Variants in IL5RA observed in about 807,000 individuals in gnomAD.
IL5RA encodes the protein interleukin 5 receptor subunit alpha, also known as interleukin-5 receptor subunit alpha.
A neutral mutation model predicts 50.0 loss-of-function variants in IL5RA; 49 were observed. The ratio of observed to expected loss-of-function variants is 0.98; its 90% CI spans 0.78 to 1.24. The LOEUF is 1.24. IL5RA is among the 50% of genes most tolerant of loss of function. The pLI, the probability that IL5RA is intolerant of heterozygous loss-of-function variation, is 0.00. For missense variants in IL5RA, 600 were observed against 500.4 expected, an observed-to-expected ratio of 1.20 and a Z score of -1.90; for synonymous variants, 202 against 174.0, an observed-to-expected ratio of 1.16 and a Z score of -1.26.
intron 9 of IL5RA, among the ~76,000 whole-genome samples, chr3:3,091,601 A>G (rs911566689): frequency 1.3e-5 from 2 of 152,120 alleles, no homozygotes; most frequent in Admixed American, 6.5e-5. Context: ...GCGTGGTGGC[A>G]TGTGCCTGCA....
intron 9 of IL5RA, among the ~76,000 whole-genome samples, chr3:3,083,504 T>C (rs903794371): frequency 3.3e-5 from 5 of 152,192 alleles, no homozygotes; most frequent in African/African-American, 1.2e-4. Context: ...CAGTACTGCT[T>C]GTCTGCAATA....
intron 2 of IL5RA, among the ~76,000 whole-genome samples, chr3:3,106,604 T>C (rs964565759): frequency 2.6e-5 from 4 of 152,172 alleles, no homozygotes; most frequent in Non-Finnish European, 5.9e-5. Flanking sequence ...AGGTACTCTA[T>C]AATTTTTTTA....
rs1174661197 is a variant in IL5RA, at chr3:3,068,511, G to C, written c.*1714C>G. On this transcript the variant is annotated 3_prime_UTR_variant, in exon 12 of 12. Transcript: ENST00000446632. ...GATGGCTTGAGCCCAGGACAGGGAG[G>C]TTGTAGTGAGCTAAGATCACATCAC... 6.8e-6 allele frequency: 1 copy of C among 146,626 alleles called. No individual in the cohort carries two copies. The allele number at this position is 146,626 out of a possible 1,614,324, so 9.1% of individuals were successfully genotyped here.
At position 3,092,978 on chromosome 3, in the gene IL5RA, T is replaced by C. The variant is rs936629364; in HGVS notation, c.856-616A>G. Among the ~76,000 whole-genome samples the C allele has an allele frequency of 2.6e-5, 4 of 152,100 alleles. No homozygotes were observed. Among genetic ancestry groups the C allele is most frequent in the Admixed American group, 2.6e-4 (4 of 15,248 alleles). On this transcript the variant is annotated intron_variant, in intron 8 of 11. Coordinates refer to ENST00000446632, the MANE Select transcript of IL5RA (RefSeq NM_175726.4). This position sits in a 1 kb window ranked among gnomAD's most constrained non-coding sequence, Gnocchi z 4.2. ...CCTTTGCAGTAGCCGCTAACTGATA[T>C]CATATGTCCATGTCGCCCCTCCCCA...
chr3:3,085,234 T>C (rs1271686596), intron 9 of IL5RA, among the ~76,000 whole-genome samples: 1 of 152,198 alleles, frequency 6.6e-6, no homozygotes, highest in Non-Finnish European at 1.5e-5. Flanking sequence ...CCTAAGTGGG[T>C]CTTTCATGTT....
Position 3,104,934 on chromosome 3 carries a change from T to A in IL5RA, c.51A>T (p.Ile17=). ...CATCAGGAAGTAAGTCAGCTTGCAGTATCTCAGTGGCCCCCAAAAGGATGA... is the reference window on the plus strand; with the variant it reads ...CATCAGGAAGTAAGTCAGCTTGCAGAATCTCAGTGGCCCCCAAAAGGATGA... ...VLLILLGATE[I]LQADLLPDEK... Residue 17 remains isoleucine, a synonymous_variant, in exon 3 of 12, where the codon ATA becomes ATT. Coordinates refer to ENST00000446632, the MANE Select transcript of IL5RA (RefSeq NM_175726.4). 6.2e-7 allele frequency: 1 copy of A among 1,612,976 alleles called. No individual in the cohort carries two copies. Among genetic ancestry groups the A allele is most frequent in the Non-Finnish European group, 8.5e-7 (1 of 1,178,996 alleles).
At chr3:3,081,325 T>A (rs1702658461) in intron 9 of IL5RA, among the ~76,000 whole-genome samples, 1 of 152,224 alleles carries the variant, frequency 6.6e-6, no homozygotes, top group South Asian at 2.1e-4. Flanking sequence ...GAATTCAGCC[T>A]GCTTCATGGC....
intron 10 of IL5RA, among the ~76,000 whole-genome samples, chr3:3,075,367 T>A (rs908147343): frequency 6.6e-5 from 10 of 151,852 alleles, no homozygotes; most frequent in Admixed American, 2.0e-4. Context: ...TGCGCTCAGC[T>A]AATTTTTGTA....
rs1296831721 is a variant in IL5RA, at chr3:3,066,863, T to A, written c.*3362A>T. On this transcript the variant is annotated 3_prime_UTR_variant, in exon 12 of 12. Coordinates refer to ENST00000446632, the MANE Select transcript of IL5RA (RefSeq NM_175726.4). ...CAGCACTCCCCCATGCTGCACGCAG[T>A]GAATTCCAAATGCCAAGGAAAGAAA... 1 of 152,246 alleles carries A rather than the reference T, an allele frequency of 6.6e-6. No homozygotes were observed. Among genetic ancestry groups the A allele is most frequent in the Non-Finnish European group, 1.5e-5 (1 of 68,084 alleles). The allele number at this position is 152,246 out of a possible 1,614,324, so 9.4% of individuals were successfully genotyped here. A position where few individuals can be genotyped will look rare whatever the true frequency, so the allele number is the denominator to read the frequency against.
At chr3:3,072,237 G>A (rs141661887) in intron 11 of IL5RA, among the ~76,000 whole-genome samples, 1 of 152,344 alleles carries the variant, frequency 6.6e-6, no homozygotes, top group Non-Finnish European at 1.5e-5. Context: ...TTAGGCCATA[G>A]AGCCCACAGC....
At position 3,067,689 on chromosome 3, in the gene IL5RA, C is replaced by T. The variant is rs1311001090; in HGVS notation, c.*2536G>A. ...CAGGGCAAGAAGGGAGGAAGGAGTT[C>T]CCAATCCACCAAGGAGGCCAATGGG... On this transcript the variant is annotated 3_prime_UTR_variant, in exon 12 of 12. Coordinates refer to ENST00000446632, the MANE Select transcript of IL5RA (RefSeq NM_175726.4). The T allele has an allele frequency of 6.6e-6, 1 of 152,252 alleles. No homozygotes were observed. The highest frequency in any genetic ancestry group is 6.6e-5 in the Admixed American group (1 of 15,264). 9.4% of individuals were successfully genotyped at this position (152,252 alleles called of 1,614,324 possible). A position where few individuals can be genotyped will look rare whatever the true frequency, so the allele number is the denominator to read the frequency against.
intron 9 of IL5RA, among the ~76,000 whole-genome samples, chr3:3,084,688 T>G (rs1702789498): frequency 6.6e-6 from 1 of 152,152 alleles, no homozygotes; most frequent in African/African-American, 2.4e-5. Flanking sequence ...ATGGAACATC[T>G]CGAAAAGAAC....
At position 3,092,191 on chromosome 3, in the gene IL5RA, G is replaced by C; in HGVS notation, c.994+33C>G. 1.9e-6 allele frequency: 3 copies of C among 1,602,862 alleles called. No homozygotes were observed. The highest frequency in any genetic ancestry group is 1.7e-4 in the Middle Eastern group (1 of 6,002). On this transcript the variant is annotated intron_variant, in intron 9 of 11. Transcript: ENST00000446632. This position sits in a 1 kb window ranked among gnomAD's most constrained non-coding sequence, Gnocchi z 4.2. Reference sequence around the variant, plus strand: ...ATTACCTTTTTTGATCACAAGGAAGGCTGCCAATGTAAAATAAACATAAGC... The same window carrying C: ...ATTACCTTTTTTGATCACAAGGAAGCCTGCCAATGTAAAATAAACATAAGC...
chr3:3,087,795 T>G (rs1702932271), intron 9 of IL5RA, among the ~76,000 whole-genome samples: 1 of 152,180 alleles, frequency 6.6e-6, no homozygotes, highest in African/African-American at 2.4e-5. Flanking sequence ...CCTGATGGAC[T>G]CCTAGCTGAG....
At chr3:3,073,245 C>A (rs1015482476) in intron 11 of IL5RA, among the ~76,000 whole-genome samples, 1 of 152,158 alleles carries the variant, frequency 6.6e-6, no homozygotes, top group South Asian at 2.1e-4. Context: ...AGTTTTTCCA[C>A]GAACGCTTTC....
chr3:3,069,195 G>A lies in IL5RA; in HGVS notation c.*1030C>T, dbSNP rs576869309. On this transcript the variant is annotated 3_prime_UTR_variant, in exon 12 of 12. Transcript: ENST00000446632. ...CTCTGCCCAGGGCACACCTGTGCTT[G>A]GTTCCACCTGCAGTCCACCACCCAC... The A allele has an allele frequency of 2.6e-5, 4 of 152,308 alleles. No individual in the cohort carries two copies. Among genetic ancestry groups the A allele is most frequent in the African/African-American group, 9.6e-5 (4 of 41,546 alleles). 9.4% of individuals were successfully genotyped at this position (152,308 alleles called of 1,614,324 possible).
chr3:3,090,090 T>A, intron 9 of IL5RA: 1 of 1,012,954 alleles, frequency 9.9e-7, no homozygotes, highest in Admixed American at 2.5e-5. Context: ...ACCTAAACTT[T>A]CCAAACAAGT....
Position 3,070,304 on chromosome 3 carries a change from C to G in IL5RA, c.1184G>C (p.Gly395Ala). Residue 395 changes from glycine (G) to alanine (A), a missense_variant, in exon 12 of 12, where the codon GGG becomes GCG. Transcript: ENST00000446632. Reference protein sequence around the residue: ...LFVTTNYEKAGSSETEIEVIC... With the variant: ...LFVTTNYEKAASSETEIEVIC... ...GACTTCAATTTCCGTCTCACTGGAC[C>G]CAGCTTTCTGCAAAACAAATCATCT... 6.2e-7 allele frequency: 1 copy of G among 1,610,138 alleles called. No individual in the cohort carries two copies. The highest frequency in any genetic ancestry group is 8.5e-7 in the Non-Finnish European group (1 of 1,177,248).
intron 5 of IL5RA, among the ~76,000 whole-genome samples, chr3:3,099,468 A>C (rs1298978083): frequency 1.3e-5 from 2 of 152,024 alleles, no homozygotes; most frequent in African/African-American, 4.8e-5. Context: ...AACTCTACAA[A>C]AAATACAAAA....
Sources: gnomAD v4.1 joint callset for allele counts (sites outside exome capture counted in the v4.1 genomes callset) on GRCh38, gnomAD v4.1.1 for gene constraint, Gnocchi (gnomAD v3.1) non-coding constraint, MANE v1.5 for transcripts, NCBI Gene and HGNC (gene_info 2026-07-23, HGNC 2026-07-21) for gene names.